Variants in NFIB observed in about 807,000 individuals in gnomAD.
The protein encoded by NFIB is nuclear factor 1 B-type.
A neutral mutation model predicts 61.5 loss-of-function variants in NFIB; 11 were observed. The ratio of observed to expected loss-of-function variants is 0.18; its 90% CI spans 0.11 to 0.30. The LOEUF (loss-of-function observed/expected upper bound fraction) is 0.30, where lower values mean the gene tolerates loss of function less well. NFIB is among the 10% of genes least tolerant of loss of function. The probability of loss-of-function intolerance (pLI) is 1.00; values close to 1 mark genes in which losing one functional copy is unlikely to be tolerated. For missense variants in NFIB, 471 were observed against 608.9 expected, an observed-to-expected ratio of 0.77 and a Z score of 2.38; for synonymous variants, 260 against 216.5, an observed-to-expected ratio of 1.20 and a Z score of -1.76.
intron 2 of NFIB, among the ~76,000 whole-genome samples, chr9:14,290,399 T>C (rs137955322): frequency 6.6e-6 from 1 of 152,176 alleles, no homozygotes; most frequent in Non-Finnish European, 1.5e-5. Context: ...AGAGAAAGTA[T>C]TGCACGTCTA....
chr9:14,316,170 A>C (rs977035926), upstream of NFIB, among the ~76,000 whole-genome samples: 1 of 152,220 alleles, frequency 6.6e-6, no homozygotes, highest in Admixed American at 6.5e-5. Context: ...CACATCAAGA[A>C]AAGTAGGCAG....
chr9:14,317,664 G>A (rs1047776855), upstream of NFIB, among the ~76,000 whole-genome samples: 1 of 152,190 alleles, frequency 6.6e-6, no homozygotes, highest in African/African-American at 2.4e-5. Flanking sequence ...GTGGAGAATG[G>A]CTGACACCCC....
chr9:14,378,959 C>A (rs890643906), intron 1 of NFIB, among the ~76,000 whole-genome samples: 1 of 152,074 alleles, frequency 6.6e-6, no homozygotes, highest in Non-Finnish European at 1.5e-5. Context: ...AGGATGGAAG[C>A]CTCCCACAAT....
At chr9:14,210,831 AC>A (rs1251962702) in intron 2 of NFIB, among the ~76,000 whole-genome samples, 1 of 152,214 alleles carries the variant, frequency 6.6e-6, no homozygotes, top group Non-Finnish European at 1.5e-5. Context: ...TCCTAAAAAA[AC>A]TTCCCATTTC....
intron 1 of NFIB, among the ~76,000 whole-genome samples, chr9:14,327,279 C>T (rs1183213906): frequency 4.6e-5 from 7 of 152,164 alleles, no homozygotes; most frequent in Admixed American, 1.3e-4. Flanking sequence ...AATGTTAATT[C>T]CCCTATATTC....
chr9:14,343,373 A>G (rs1442293097), intron 1 of NFIB, among the ~76,000 whole-genome samples: 10 of 152,166 alleles, frequency 6.6e-5, no homozygotes, highest in Non-Finnish European at 1.5e-4. Context: ...CTGAGGCTGC[A>G]GCTGCCCTCC....
intron 1 of NFIB, among the ~76,000 whole-genome samples, chr9:14,328,072 A>G (rs2060776247): frequency 6.6e-6 from 1 of 152,182 alleles, no homozygotes; most frequent in Non-Finnish European, 1.5e-5. Context: ...ATAGAAATAC[A>G]AGTTTTAGGA....
At chr9:14,149,317 A>C (rs2042612674) in intron 5 of NFIB, among the ~76,000 whole-genome samples, 1 of 152,324 alleles carries the variant, frequency 6.6e-6, no homozygotes, top group South Asian at 2.1e-4. Context: ...ATAAATATAC[A>C]GGTATCCTTT....
chr9:14,167,514 C>A (rs189959958), intron 3 of NFIB, among the ~76,000 whole-genome samples: 30 of 152,290 alleles, frequency 2.0e-4, no homozygotes, highest in African/African-American at 5.5e-4. Context: ...GACCGGGCAA[C>A]AGAGTGAGAT....
chr9:14,468,719 G>A, the NFIB span, among the ~76,000 whole-genome samples: 2 of 152,228 alleles, frequency 1.3e-5, no homozygotes, highest in African/African-American at 2.4e-5. Context: ...GGAGCTATCT[G>A]TCACTTGTGA....
chr9:14,193,457 A>C (rs1294891091), intron 2 of NFIB, among the ~76,000 whole-genome samples: 2 of 152,206 alleles, frequency 1.3e-5, no homozygotes, highest in African/African-American at 4.8e-5. Context: ...AGGTTTTCTT[A>C]AATATGCACC....
the NFIB span, among the ~76,000 whole-genome samples, chr9:14,447,183 ATTTC>A: frequency 2.6e-5 from 4 of 152,070 alleles, no homozygotes; most frequent in Admixed American, 1.3e-4. Context: ...TTTGCAATTT[ATTTC>A]TTTAATATTA....
chr9:14,472,909 TG>T, the NFIB span, among the ~76,000 whole-genome samples: 1 of 152,138 alleles, frequency 6.6e-6, no homozygotes, highest in East Asian at 1.9e-4. Flanking sequence ...AAACCAAAGC[TG>T]GTTTTTCACC....
chr9:14,117,428 T>A (rs2038302997), intron 8 of NFIB, among the ~76,000 whole-genome samples: 1 of 152,178 alleles, frequency 6.6e-6, no homozygotes, highest in Non-Finnish European at 1.5e-5. Context: ...ACGGTGTTCA[T>A]CGCAATTTGC....
chr9:14,243,507 T>C (rs2054561435), intron 2 of NFIB, among the ~76,000 whole-genome samples: 1 of 152,144 alleles, frequency 6.6e-6, no homozygotes, highest in Admixed American at 6.5e-5. Context: ...GGAATTGTTT[T>C]GTTTTATTGT....
chr9:14,288,979 A>G (rs541127155), intron 2 of NFIB, among the ~76,000 whole-genome samples: 3 of 151,658 alleles, frequency 2.0e-5, no homozygotes, highest in Non-Finnish European at 2.9e-5. Context: ...ATATGATGAT[A>G]CATACGGAAT....
At chr9:14,104,522 T>TG (rs2036263479) in intron 10 of NFIB, among the ~76,000 whole-genome samples, 1 of 152,116 alleles carries the variant, frequency 6.6e-6, no homozygotes, top group South Asian at 2.1e-4. Context: ...AGAATGTTAA[T>TG]GATTTATCAC....
the NFIB span, among the ~76,000 whole-genome samples, chr9:14,416,892 C>CTTT: frequency 1.6e-5 from 2 of 126,926 alleles, no homozygotes; most frequent in South Asian, 2.5e-4. Context: ...ACTATTTTTA[C>CTTT]TTTTTTTTTT....
At chr9:14,306,002 AG>A (rs1180961038) in intron 2 of NFIB, 1 of 1,294,436 alleles carries the variant, frequency 7.7e-7, no homozygotes, top group African/African-American at 1.5e-5. Context: ...ATTTATTTGA[AG>A]AAAAGAAATT....
Sources: gnomAD v4.1 joint callset for allele counts (sites outside exome capture counted in the v4.1 genomes callset) on GRCh38, gnomAD v4.1.1 for gene constraint, MANE v1.5 for transcripts, NCBI Gene and HGNC (gene_info 2026-07-23, HGNC 2026-07-21) for gene names.